Variants in ATP2B3 observed in about 807,000 individuals in gnomAD.
ATP2B3 encodes plasma membrane calcium-transporting ATPase 3.
A neutral mutation model predicts 70.8 loss-of-function variants in ATP2B3; 12 were observed. The observed-to-expected ratio is 0.17, with a 90% CI of 0.11 to 0.27. The LOEUF is 0.27. Ranked by LOEUF, ATP2B3 falls within the 10% of genes least tolerant of loss-of-function variation. The pLI is 1.00. For synonymous variants in ATP2B3, 460 were observed against 497.8 expected (o/e 0.92, Z 1.01); for missense variants, 858 against 1,118.5 (o/e 0.77, Z 3.32).
intron 2 of ATP2B3, among the ~76,000 whole-genome samples, chrX:153,523,797 G>A (rs2089993370): frequency 9.9e-6 from 1 of 101,430 alleles, no homozygotes. Context: ...CAGGGTTCGA[G>A]CCATTCTCCT....
At chrX:153,569,292 T>G (rs1014802020) in intron 21 of ATP2B3, 2 of 526,536 alleles carry the variant, frequency 3.8e-6, no homozygotes, top group Non-Finnish European at 6.9e-6. Context: ...AAGTACTTCC[T>G]GATAAGTGGC....
At chrX:153,530,413 G>T (rs1341850674) in intron 2 of ATP2B3, among the ~76,000 whole-genome samples, 1 of 112,223 alleles carries the variant, frequency 8.9e-6, no homozygotes. Flanking sequence ...CTAGGGGCCA[G>T]GAGTGCTGCA....
At chrX:153,557,881 A>AGC (rs1557014471) in intron 16 of ATP2B3, among the ~76,000 whole-genome samples, 6,728 of 76,184 alleles carry the variant, frequency 0.088, 270 homozygotes, top group Middle Eastern at 0.11. Flanking sequence ...TTATGAGCAA[A>AGC]GCCCCCCCCC....
chrX:153,548,915 T>C (rs2285034), intron 10 of ATP2B3, 61 bp downstream of exon 10: 428,347 of 1,096,520 alleles, frequency 0.39, 58,640 homozygotes, highest in East Asian at 0.41. Flanking sequence ...TAAGAAGTCA[T>C]TGGGCGCCTT....
chrX:153,565,283 G>A (rs1433843672), intron 21 of ATP2B3, among the ~76,000 whole-genome samples, 180 bp downstream of exon 21: 6 of 113,523 alleles, frequency 5.3e-5, no homozygotes, highest in Admixed American at 1.8e-4. Flanking sequence ...GGCTGTGCCC[G>A]CTGATGGCTG....
intron 2 of ATP2B3, among the ~76,000 whole-genome samples, chrX:153,531,307 A>T (rs1469862503): frequency 4.4e-5 from 5 of 112,486 alleles, no homozygotes; most frequent in Non-Finnish European, 9.4e-5. Flanking sequence ...CCCGGGCCTG[A>T]CCTACGAGGC....
chrX:153,541,687 G>A lies in ATP2B3; in HGVS notation c.425G>A (p.Gly142Glu). The change falls in exon 5 of 22, where the codon GGA becomes GAA. Residue 142 changes from glycine to glutamate, a missense_variant. Physicochemically the swap from Gly to Glu is moderately conservative, Grantham distance 98. This residue lies in a region of ATP2B3 where 278 missense variants were observed against 366.2 expected (regional missense o/e 0.76). Coordinates refer to ENST00000263519, the MANE Select transcript of ATP2B3 (RefSeq NM_001001344.3). ...EESEACGNVS[G>E]GAEDEGEAEA... is the part of the protein sequence containing the mutation. Reference sequence around the variant, plus strand: ...CGCACAGCCTGTGGGAATGTGTCGGGAGGCGCAGAAGATGAGGGCGAGGCC... The same window carrying A: ...CGCACAGCCTGTGGGAATGTGTCGGAAGGCGCAGAAGATGAGGGCGAGGCC... 1 of 1,211,447 alleles carries A rather than the reference G, an allele frequency of 8.3e-7. No individual in the cohort carries two copies. Among genetic ancestry groups the A allele is most frequent in the Non-Finnish European group, 1.1e-6 (1 of 895,436 alleles).
intron 2 of ATP2B3, among the ~76,000 whole-genome samples, chrX:153,527,207 C>G (rs2090047255): frequency 8.8e-6 from 1 of 113,027 alleles, no homozygotes; most frequent in Non-Finnish European, 1.9e-5. Flanking sequence ...TGGGGCACCT[C>G]TCCTCCCATC....
intron 21 of ATP2B3, among the ~76,000 whole-genome samples, chrX:153,566,097 G>T (rs1042202732): frequency 2.7e-5 from 3 of 112,513 alleles, no homozygotes; most frequent in Non-Finnish European, 5.6e-5. Flanking sequence ...AGCCCCTGCA[G>T]CCTCTCCTTC....
chrX:153,580,361 C>A lies in ATP2B3; in HGVS notation c.*63C>A. 1 of 1,029,018 alleles carries A rather than the reference C, an allele frequency of 9.7e-7. No homozygotes were observed. Among genetic ancestry groups the A allele is most frequent in the Non-Finnish European group, 1.3e-6 (1 of 750,672 alleles). 84.8% of individuals were successfully genotyped at this position (1,029,018 alleles called of 1,213,427 possible). Reference sequence around the variant, plus strand: ...GGACTCACACGAAGTCACACGCACACATGCACGCACACACACATATGGGGA... The same window carrying A: ...GGACTCACACGAAGTCACACGCACAAATGCACGCACACACACATATGGGGA... On this transcript the variant is annotated 3_prime_UTR_variant, in exon 22 of 22. Coordinates refer to ENST00000263519, the MANE Select transcript of ATP2B3 (RefSeq NM_001001344.3).
intron 3 of ATP2B3, among the ~76,000 whole-genome samples, chrX:153,537,382 C>T (rs1323810370): frequency 2.6e-5 from 3 of 113,483 alleles, no homozygotes; most frequent in Non-Finnish European, 5.6e-5. Context: ...ACGCCTGGGC[C>T]CACCCATCTC....
At chrX:153,525,884 G>A (rs2980071) in intron 2 of ATP2B3, among the ~76,000 whole-genome samples, 16,572 of 112,726 alleles carry the variant, frequency 0.15, 1,115 homozygotes, top group African/African-American at 0.27. Flanking sequence ...CATGGGGCCA[G>A]AGGGTAAGAA....
chrX:153,552,292 C>T (rs1369791666), intron 12 of ATP2B3, among the ~76,000 whole-genome samples: 1 of 112,110 alleles, frequency 8.9e-6, no homozygotes, highest in Non-Finnish European at 1.9e-5. Context: ...GTGGGTGAAT[C>T]CACATCCATA....
chrX:153,538,945 G>T (rs1557005279), intron 3 of ATP2B3, among the ~76,000 whole-genome samples: 1 of 112,889 alleles, frequency 8.9e-6, no homozygotes, highest in Non-Finnish European at 1.9e-5. Flanking sequence ...GGTCCCGGCT[G>T]CTCTCAGGGA....
intron 21 of ATP2B3, among the ~76,000 whole-genome samples, chrX:153,567,403 G>A (rs782456220): frequency 8.8e-6 from 1 of 113,133 alleles, no homozygotes; most frequent in Non-Finnish European, 1.9e-5. Flanking sequence ...CTTATCTATC[G>A]TACCCCTGTT....
chrX:153,549,922 C>G (rs919821138), intron 11 of ATP2B3, 123 bp from the exon 12 acceptor site: 1 of 1,107,428 alleles, frequency 9.0e-7, no homozygotes, highest in Non-Finnish European at 1.2e-6. Flanking sequence ...CGACCTTCCT[C>G]TGCTCCCTGC....
chrX:153,558,104 C>G lies in ATP2B3; in HGVS notation c.2434-8C>G. 8.3e-7 allele frequency: 1 copy of G among 1,202,544 alleles called. No homozygotes were observed. Among genetic ancestry groups the G allele is most frequent in the Non-Finnish European group, 1.1e-6 (1 of 890,633 alleles). On this transcript the variant is annotated splice_region_variant and splice_polypyrimidine_tract_variant and intron_variant, in intron 16 of 21. Transcript: ENST00000263519. ...CACTCTGTGTGAGTGTGTGTGTCAC[C>G]CCCCCAGGGCATCGCAGGGACCGAC...
chrX:153,552,957 C>T, intron 12 of ATP2B3, 78 bp from the exon 13 acceptor site: 1 of 918,354 alleles, frequency 1.1e-6, no homozygotes. Flanking sequence ...TGACTAAGCC[C>T]CCAATCCAGT....
In ATP2B3 at chrX:153,582,910, G is replaced by A. The variant is rs898241103; in HGVS notation, c.*2612G>A. The A allele has an allele frequency of 2.7e-5, 3 of 112,393 alleles. No homozygotes were observed. Among genetic ancestry groups the A allele is most frequent in the Non-Finnish European group, 5.6e-5 (3 of 53,212 alleles). The allele number at this position is 112,393 out of a possible 1,213,427, so 9.3% of individuals were successfully genotyped here. A position where few individuals can be genotyped will look rare whatever the true frequency, so the allele number is the denominator to read the frequency against. ...AAAATTTCTGTGTATAAAAAAAAAT[G>A]AAAGGCTCCTTACATCCTGGTCTGG... On this transcript the variant is annotated 3_prime_UTR_variant, in exon 22 of 22. Coordinates refer to ENST00000263519, the MANE Select transcript of ATP2B3 (RefSeq NM_001001344.3).
Sources: gnomAD v4.1 joint callset for allele counts (sites outside exome capture counted in the v4.1 genomes callset) on GRCh38, gnomAD v4.1.1 for gene constraint, gnomAD v4.1.1 regional missense constraint, MANE v1.5 for transcripts, NCBI Gene and HGNC (gene_info 2026-07-23, HGNC 2026-07-21) for gene names.